Variants in DOCK10 observed in about 807,000 individuals in gnomAD.
The protein encoded by DOCK10 is dedicator of cytokinesis 10.
Under a neutral mutation model 280.1 loss-of-function variants are expected in DOCK10, and 145 were observed. That is an observed-to-expected ratio of 0.52 (90% CI 0.45 to 0.59). The LOEUF is 0.59. Ranked by LOEUF, DOCK10 falls within the 20% of genes least tolerant of loss-of-function variation. The pLI is 0.00. For missense variants in DOCK10, 2,368 were observed against 2,651.7 expected (o/e 0.89, Z 2.35); for synonymous variants, 915 against 942.2 (o/e 0.97, Z 0.53).
chr2:224,793,388 T>C lies in DOCK10; in HGVS notation c.5212+12A>G, dbSNP rs764909263. 2 of 1,610,648 alleles carry C rather than the reference T, an allele frequency of 1.2e-6. No homozygotes were observed. Among genetic ancestry groups the C allele is most frequent in the Non-Finnish European group, 1.7e-6 (2 of 1,177,884 alleles). On this transcript the variant is annotated intron_variant, in intron 46 of 55. Transcript: ENST00000258390. ...ATCTAGGCTTTTTGCCTCCCTCATGTGGTCATCTTACCCTTTCTTTTCAGA... is the reference window on the plus strand; with the variant it reads ...ATCTAGGCTTTTTGCCTCCCTCATGCGGTCATCTTACCCTTTCTTTTCAGA...
At chr2:224,952,208 C>G (rs138610916) in intron 1 of DOCK10, among the ~76,000 whole-genome samples, 1 of 152,154 alleles carries the variant, frequency 6.6e-6, no homozygotes, top group East Asian at 1.9e-4. Context: ...CTGGAGGGGA[C>G]GTCTTTAAAA....
At chr2:224,959,002 A>G (rs867315658) in intron 1 of DOCK10, among the ~76,000 whole-genome samples, 5 of 152,202 alleles carry the variant, frequency 3.3e-5, no homozygotes, top group African/African-American at 1.2e-4. Flanking sequence ...GAGATCCGCT[A>G]CCTAGACTGC....
intron 1 of DOCK10, among the ~76,000 whole-genome samples, chr2:225,022,816 G>T (rs1689816969): frequency 6.6e-6 from 1 of 152,222 alleles, no homozygotes; most frequent in South Asian, 2.1e-4. Context: ...GGTAAAAGTT[G>T]GTATACATGG....
chr2:224,823,976 C>A (rs1559494413), intron 27 of DOCK10, among the ~76,000 whole-genome samples: 1 of 151,308 alleles, frequency 6.6e-6, no homozygotes, highest in African/African-American at 2.5e-5. Context: ...TCATATCTTA[C>A]TTTCCCTCCT....
At chr2:225,029,137 C>A (rs1690004952) in intron 1 of DOCK10, among the ~76,000 whole-genome samples, 1 of 152,174 alleles carries the variant, frequency 6.6e-6, no homozygotes, top group Admixed American at 6.5e-5. Context: ...ATTTAAACCT[C>A]CTTGTGACTC....
chr2:224,987,516 A>C (rs903763883), intron 1 of DOCK10, among the ~76,000 whole-genome samples: 6 of 152,178 alleles, frequency 3.9e-5, no homozygotes, highest in Non-Finnish European at 7.4e-5. Context: ...CATAGGTGTC[A>C]GCACCTCAGT....
At chr2:224,924,189 C>A (rs1009800734) in intron 2 of DOCK10, among the ~76,000 whole-genome samples, 7 of 152,118 alleles carry the variant, frequency 4.6e-5, no homozygotes, top group Non-Finnish European at 8.8e-5. Flanking sequence ...TTTAAAAAAA[C>A]CATCTAATTG....
intron 1 of DOCK10, among the ~76,000 whole-genome samples, chr2:225,035,542 T>TGATATATATATATATATATATATATGA (rs1415059109): frequency 2.0e-5 from 1 of 50,030 alleles, no homozygotes; most frequent in African/African-American, 7.5e-5. Flanking sequence ...ATGATATATA[T>TGATATATATATATATATATATATATGA]TATATATATA....
intron 22 of DOCK10, among the ~76,000 whole-genome samples, chr2:224,843,072 G>C (rs1219526072): frequency 6.6e-6 from 1 of 152,164 alleles, no homozygotes; most frequent in Non-Finnish European, 1.5e-5. Flanking sequence ...CGGTGCGGGT[G>C]GGGGTGGCGG....
At chr2:225,004,705 T>A (rs376592548) in intron 1 of DOCK10, among the ~76,000 whole-genome samples, 1 of 152,212 alleles carries the variant, frequency 6.6e-6, no homozygotes, top group African/African-American at 2.4e-5. Flanking sequence ...TCAGAGAGCA[T>A]TTGTTTTCCT....
At chr2:224,849,358 T>C (rs1696574820) in intron 19 of DOCK10, 149 bp downstream of exon 19, 1 of 479,060 alleles carries the variant, frequency 2.1e-6, no homozygotes, top group South Asian at 4.9e-5. Context: ...CCAATTAATA[T>C]AGTTTAGAAA....
intron 47 of DOCK10, among the ~76,000 whole-genome samples, chr2:224,790,358 C>T (rs1280464986): frequency 6.6e-6 from 1 of 152,194 alleles, no homozygotes; most frequent in African/African-American, 2.4e-5. Context: ...TTGTTTTTCT[C>T]ACCCATAAAC....
At chr2:224,865,842 C>G (rs111235147) in intron 11 of DOCK10, among the ~76,000 whole-genome samples, 4,870 of 146,108 alleles carry the variant, frequency 0.033, 245 homozygotes, top group African/African-American at 0.12. Context: ...GTTTCTCTCT[C>G]TCTCTCTCTC....
At chr2:224,899,453 C>T (rs1281363259) in intron 3 of DOCK10, among the ~76,000 whole-genome samples, 1 of 152,108 alleles carries the variant, frequency 6.6e-6, no homozygotes, top group Non-Finnish European at 1.5e-5. Context: ...CTTGGATTGA[C>T]CTCCTTGTGA....
intron 4 of DOCK10, 28 bp downstream of exon 4, chr2:224,896,267 C>T (rs749047112): frequency 1.5e-6 from 2 of 1,349,410 alleles, no homozygotes; most frequent in African/African-American, 1.5e-5. Flanking sequence ...TTGGAAAAGA[C>T]CAATAAGTGC....
chr2:224,940,346 T>C lies in DOCK10; in HGVS notation c.124-8678A>G, dbSNP rs558785798. ...TTTGTTCATTGGAGTAGGTTTCCAA[T>C]GCTTGCAACTATAGGAATCTAATGA... On this transcript the variant is annotated intron_variant, in intron 1 of 55. Coordinates refer to ENST00000258390, the MANE Select transcript of DOCK10 (RefSeq NM_014689.3). Among the ~76,000 whole-genome samples the C allele has an allele frequency of 2.6e-5, 4 of 152,336 alleles. No homozygotes were observed. In the East Asian group the frequency reaches 7.7e-4, roughly 29 times the overall value.
At chr2:225,020,505 A>C (rs1689757325) in intron 1 of DOCK10, among the ~76,000 whole-genome samples, 1 of 152,180 alleles carries the variant, frequency 6.6e-6, no homozygotes, top group African/African-American at 2.4e-5. Flanking sequence ...ATTGTTCTCT[A>C]AAAAAATCAT....
At chr2:225,028,147 C>A (rs1008514169) in intron 1 of DOCK10, among the ~76,000 whole-genome samples, 2 of 152,000 alleles carry the variant, frequency 1.3e-5, no homozygotes, top group African/African-American at 4.8e-5. Flanking sequence ...AGATGGAAGA[C>A]CTGCAGATGG....
At chr2:224,791,945 T>C (rs1692225699) in intron 47 of DOCK10, among the ~76,000 whole-genome samples, 2 of 152,232 alleles carry the variant, frequency 1.3e-5, no homozygotes, top group Non-Finnish European at 2.9e-5. Context: ...CATCTAAAAA[T>C]GTTGTTTGTA....
Sources: allele counts gnomAD v4.1 joint callset (sites outside exome capture counted in the v4.1 genomes callset), GRCh38; gene constraint gnomAD v4.1.1; transcripts MANE v1.5; gene names NCBI Gene and HGNC (gene_info 2026-07-23, HGNC 2026-07-21).